Variants in RAI14 observed in about 807,000 individuals in gnomAD.
RAI14 encodes ankycorbin.
A neutral mutation model predicts 115.4 loss-of-function variants in RAI14; 45 were observed. The ratio of observed to expected loss-of-function variants is 0.39; its 90% CI spans 0.31 to 0.50. The LOEUF is 0.50. RAI14 is among the 20% of genes least tolerant of loss of function. The pLI is 0.85. For missense variants in RAI14, 939 were observed against 1,131.2 expected (o/e 0.83, Z 2.44); for synonymous variants, 371 against 415.4 (o/e 0.89, Z 1.30).
intron 2 of RAI14, among the ~76,000 whole-genome samples, chr5:34,731,422 A>T (rs1744153301): frequency 6.6e-6 from 1 of 152,230 alleles, no homozygotes; most frequent in African/African-American, 2.4e-5. Context: ...GCAATGATAT[A>T]CCTCAGATGA....
chr5:34,681,849 T>C, intron 1 of RAI14, among the ~76,000 whole-genome samples: 1 of 68,450 alleles, frequency 1.5e-5, no homozygotes, highest in East Asian at 2.6e-4. Context: ...TGGAATTTTC[T>C]TTCTTTCTTT....
intron 2 of RAI14, among the ~76,000 whole-genome samples, chr5:34,711,847 T>C (rs1741440746): frequency 6.6e-6 from 1 of 152,208 alleles, no homozygotes; most frequent in East Asian, 1.9e-4. Flanking sequence ...GTAAAACAGG[T>C]GGAAGGCCCT....
intron 1 of RAI14, chr5:34,685,908 C>T (rs557534873): frequency 6.6e-6 from 1 of 152,362 alleles, no homozygotes; most frequent in South Asian, 2.1e-4. Context: ...TTCAGCTCAA[C>T]TCAGAATTGC....
chr5:34,814,685 A>G lies in RAI14; in HGVS notation c.939+16A>G. 1 of 1,573,790 alleles carries G rather than the reference A, an allele frequency of 6.4e-7. No individual in the cohort carries two copies. Among genetic ancestry groups the G allele is most frequent in the South Asian group, 1.1e-5 (1 of 90,196 alleles). On this transcript the variant is annotated intron_variant, in intron 12 of 17. Coordinates refer to ENST00000265109, the MANE Select transcript of RAI14 (RefSeq NM_015577.3). ...ACCCTTCAAGGTATTTCCTTTCTGT[A>G]TTCAGTTTTGTTACTGTATTTTAAG...
Position 34,753,858 on chromosome 5 carries a change from G to A in RAI14, c.37-3610G>A, listed in dbSNP as rs186280567. Among the ~76,000 whole-genome samples, 423 of 149,608 alleles carry A rather than the reference G, an allele frequency of 2.8e-3. 3 individuals carry two copies. The highest frequency in any genetic ancestry group is 2.5e-3 in the Non-Finnish European group (170 of 67,748). On this transcript the variant is annotated intron_variant, in intron 2 of 17. Transcript: ENST00000265109. ...GAACCCAGGAAGCGGAGGTTGCAGT[G>A]AGCTGAGATTGCACCACTGCACTCC...
chr5:34,784,176 A>T (rs1168833646), intron 3 of RAI14, among the ~76,000 whole-genome samples: 1 of 152,228 alleles, frequency 6.6e-6, no homozygotes, highest in Non-Finnish European at 1.5e-5. Context: ...ATCAGAAATC[A>T]CATTAATGGG....
At chr5:34,660,850 C>T (rs1014411833) in intron 1 of RAI14, among the ~76,000 whole-genome samples, 2 of 151,282 alleles carry the variant, frequency 1.3e-5, no homozygotes, top group Admixed American at 1.3e-4. Flanking sequence ...GTGAATTCTG[C>T]AAAAGGATCA....
At chr5:34,822,672 T>A in intron 14 of RAI14, among the ~76,000 whole-genome samples, 1 of 39,236 alleles carries the variant, frequency 2.5e-5, no homozygotes, top group African/African-American at 1.4e-4. Context: ...ATCTTTTTTT[T>A]TTTTTTTTTT....
chr5:34,822,275 A>ATATATATATAT (rs1756937994), intron 14 of RAI14, among the ~76,000 whole-genome samples: 4 of 76,614 alleles, frequency 5.2e-5, no homozygotes, highest in African/African-American at 2.1e-4. Flanking sequence ...TATATATATA[A>ATATATATATAT]AATATTATCC....
At chr5:34,763,461 C>G (rs571572744) in intron 3 of RAI14, among the ~76,000 whole-genome samples, 42 of 152,188 alleles carry the variant, frequency 2.8e-4, no homozygotes, top group Non-Finnish European at 5.4e-4. Context: ...GAGATAACCT[C>G]TTCTTATACT....
intron 2 of RAI14, among the ~76,000 whole-genome samples, chr5:34,739,428 T>C (rs1243763338): frequency 1.3e-5 from 2 of 152,230 alleles, no homozygotes; most frequent in Non-Finnish European, 2.9e-5. Context: ...TCTGTGGTCT[T>C]CTAATGCTAG....
chr5:34,783,216 G>A (rs898889284), intron 3 of RAI14, among the ~76,000 whole-genome samples: 6 of 152,170 alleles, frequency 3.9e-5, no homozygotes, highest in African/African-American at 4.8e-5. Context: ...TGGTTGTCCC[G>A]CTTTCCTCTG....
At chr5:34,757,776 G>A in intron 3 of RAI14, 178 bp downstream of exon 3, 2 of 794,768 alleles carry the variant, frequency 2.5e-6, no homozygotes, top group Non-Finnish European at 3.6e-6. Context: ...CACATATGGA[G>A]CTCTACCTTG....
At chr5:34,773,605 A>T (rs1363117161) in intron 3 of RAI14, among the ~76,000 whole-genome samples, 1 of 152,216 alleles carries the variant, frequency 6.6e-6, no homozygotes, top group Non-Finnish European at 1.5e-5. Context: ...ACATGAATAG[A>T]TATTTCTCAA....
chr5:34,763,681 G>A (rs943729377), intron 3 of RAI14, among the ~76,000 whole-genome samples: 1 of 152,196 alleles, frequency 6.6e-6, no homozygotes, highest in Non-Finnish European at 1.5e-5. Context: ...CATGTAAGGG[G>A]TTCAGGACAG....
rs557234674 is a variant in RAI14 at position 34,739,326 on chromosome 5, G to A, written c.37-18142G>A. Among the ~76,000 whole-genome samples, 20 of 152,254 alleles carry A rather than the reference G, an allele frequency of 1.3e-4. No individual in the cohort carries two copies. In the South Asian group the frequency reaches 3.9e-3, roughly 30 times the overall value. On this transcript the variant is annotated intron_variant, in intron 2 of 17. Coordinates refer to ENST00000265109, the MANE Select transcript of RAI14 (RefSeq NM_015577.3). ...TGCCCGAGATAATAAGTGGTAGAGCGAGGCTGTGCACCCAGGTGGTCTGGC... is the reference window on the plus strand; with the variant it reads ...TGCCCGAGATAATAAGTGGTAGAGCAAGGCTGTGCACCCAGGTGGTCTGGC...
rs143016775 is a variant in RAI14, at chr5:34,821,832, G to A, written c.1095G>A (p.Glu365=). 13 of 1,575,266 alleles carry A rather than the reference G, an allele frequency of 8.3e-6. No homozygotes were observed. The highest frequency in any genetic ancestry group is 1.4e-5 in the African/African-American group (1 of 74,034). The stretch of plus-strand genomic sequence containing the variant: ...CTTCCCTTACCTTACACAATAAGGA[G>A]TTACAAGATAAATTACAGGTATATA... The part of the protein sequence containing the change: ...KVASLTLHNK[E]LQDKLQAKSP... The change falls in exon 14 of 18, where the codon GAG becomes GAA. Residue 365 remains glutamate (E), a synonymous_variant. Coordinates refer to ENST00000265109, the MANE Select transcript of RAI14 (RefSeq NM_015577.3).
chr5:34,680,607 T>C (rs1744319340), intron 1 of RAI14, among the ~76,000 whole-genome samples: 1 of 151,988 alleles, frequency 6.6e-6, no homozygotes, highest in African/African-American at 2.4e-5. Context: ...CTTGGGGAGA[T>C]TGAACAGGTG....
Position 34,803,755 on chromosome 5 carries a change from A to G in RAI14, c.300A>G (p.Glu100=). Residue 100 remains glutamate, a synonymous_variant, in exon 5 of 18, where the codon GAA becomes GAG. Transcript: ENST00000265109. ...TCGCAGCCAAGAACAGCCACCATGA[A>G]TGCATCAGGAAGCTGCTTCAGGTAA... is the stretch of plus-strand genomic sequence containing the variant. ...LHLAAKNSHH[E]CIRKLLQSKC... The G allele has an allele frequency of 2.5e-6, 4 of 1,612,666 alleles. No individual in the cohort carries two copies. The highest frequency in any genetic ancestry group is 3.4e-6 in the Non-Finnish European group (4 of 1,179,356).
Sources: gnomAD v4.1 joint callset for allele counts (sites outside exome capture counted in the v4.1 genomes callset) on GRCh38, gnomAD v4.1.1 for gene constraint, MANE v1.5 for transcripts, NCBI Gene and HGNC (gene_info 2026-07-23, HGNC 2026-07-21) for gene names.